SYNE2: variants seen among roughly 807,000 people sequenced by gnomAD.
SYNE2 encodes the protein nesprin-2.
A neutral mutation model predicts 856.3 loss-of-function variants in SYNE2; 431 were observed. The ratio of observed to expected loss-of-function variants is 0.50; its 90% CI spans 0.47 to 0.55. SYNE2 has a LOEUF of 0.55. Ranked by LOEUF, SYNE2 falls within the 20% of genes least tolerant of loss-of-function variation. The pLI, the probability that SYNE2 is intolerant of heterozygous loss-of-function variation, is 0.00. For missense variants in SYNE2, 8,129 were observed against 8,023.2 expected, an observed-to-expected ratio of 1.01 and a Z score of -0.50; for synonymous variants, 2,923 against 2,872.3, an observed-to-expected ratio of 1.02 and a Z score of -0.56.
intron 65 of SYNE2, 72 bp downstream of exon 65, chr14:64,107,679 T>G (rs1223779522): frequency 5.2e-6 from 6 of 1,150,004 alleles, no homozygotes; most frequent in Non-Finnish European, 7.9e-6. Context: ...CAGTGTTCTG[T>G]GTCCTGCAAT....
chr14:64,226,294 C>T lies in SYNE2; in HGVS notation c.*768C>T, dbSNP rs1228973694. On this transcript the variant is annotated 3_prime_UTR_variant, in exon 116 of 116. Transcript: ENST00000555002. ...AAGTTAATTTTCTAAGACTTTTTCA[C>T]ATCCAAAGTGATGCTTTGCTTTGGG... 1 of 141,044 alleles carries T rather than the reference C, an allele frequency of 7.1e-6. No individual in the cohort carries two copies. The highest frequency in any genetic ancestry group is 1.5e-5 in the Non-Finnish European group (1 of 66,536). The allele number at this position is 141,044 out of a possible 1,614,324, so 8.7% of individuals were successfully genotyped here.
chr14:64,146,165 A>T lies in SYNE2; in HGVS notation c.15581A>T (p.Lys5194Ile). ...CTGGAAGCACAAGAAGAGAGACTGA[A>T]AACTTTACAAAAACCTGAAAGTGTG... ...NWLEAQEERLKTLQKPESVIS... is the reference protein window; with the variant it reads ...NWLEAQEERLITLQKPESVIS... Residue 5194 changes from lysine to isoleucine, a missense_variant, in exon 84 of 116, where the codon AAA becomes ATA. By Grantham distance (102) the Lys-to-Ile change is moderately radical (BLOSUM62 -3). Transcript: ENST00000555002. 1 of 1,613,140 alleles carries T rather than the reference A, an allele frequency of 6.2e-7. No individual in the cohort carries two copies. Among genetic ancestry groups the T allele is most frequent in the East Asian group, 2.2e-5 (1 of 44,842 alleles).
At chr14:63,813,327 A>G (rs1888692279) in intron 1 of SYNE2, among the ~76,000 whole-genome samples, 2 of 152,218 alleles carry the variant, frequency 1.3e-5, no homozygotes, top group African/African-American at 4.8e-5. Flanking sequence ...AAACTATAGC[A>G]CGTGTGGATA....
At chr14:64,033,587 G>C (rs994382162) in intron 45 of SYNE2, among the ~76,000 whole-genome samples, 2 of 151,936 alleles carry the variant, frequency 1.3e-5, no homozygotes, top group South Asian at 2.1e-4. Context: ...TTGGGAGATT[G>C]AGGTGGGAGA....
chr14:64,150,196 T>G (rs1360202877), intron 84 of SYNE2, among the ~76,000 whole-genome samples: 1 of 141,116 alleles, frequency 7.1e-6, no homozygotes, highest in African/African-American at 2.7e-5. Context: ...CTTGGGAGAC[T>G]GAGGCAGGAA....
intron 1 of SYNE2, among the ~76,000 whole-genome samples, chr14:63,803,820 A>G (rs1258435487): frequency 6.6e-6 from 1 of 152,106 alleles, no homozygotes; most frequent in Non-Finnish European, 1.5e-5. Flanking sequence ...GCATGCTGTC[A>G]CCTCTCAGTT....
intron 14 of SYNE2, among the ~76,000 whole-genome samples, chr14:63,980,414 A>G (rs1028597974): frequency 5.3e-5 from 8 of 152,196 alleles, no homozygotes; most frequent in Admixed American, 5.2e-4. Context: ...CTATAGCACC[A>G]TGTCACCACA....
chr14:64,078,680 A>C lies in SYNE2; in HGVS notation c.11163+74A>C. 7 of 1,555,974 alleles carry C rather than the reference A, an allele frequency of 4.5e-6. No homozygotes were observed. The South Asian group carries it at 7.9e-5, about 17-fold the overall frequency. On this transcript the variant is annotated intron_variant, in intron 55 of 115. Coordinates refer to ENST00000555002, the MANE Select transcript of SYNE2 (RefSeq NM_182914.3). ...TCCTGCCTTGTTCATCAGTCACCAC[A>C]GGGTGAGTTCTTTGAATTAATCTGA...
chr14:63,823,656 A>G (rs1005497228), intron 1 of SYNE2, among the ~76,000 whole-genome samples: 2 of 148,242 alleles, frequency 1.3e-5, no homozygotes, highest in African/African-American at 5.0e-5. Flanking sequence ...ACAGGTTCTC[A>G]TTCTGTCTCA....
rs1210013127 is a variant in SYNE2 at position 64,020,003 on chromosome 14, A to G, written c.5061A>G (p.Gln1687=). 6.2e-7 allele frequency: 1 copy of G among 1,610,158 alleles called. No homozygotes were observed. The highest frequency in any genetic ancestry group is 8.5e-7 in the Non-Finnish European group (1 of 1,176,474). ...EDRERLKEEL[Q]VHEQKTSEFS... ...ATTACATGTTTTAGGAAGAATTACA[A>G]GTCCATGAACAAAAAACTTCAGAAT... The change falls in exon 35 of 116, where the codon CAA becomes CAG. Residue 1687 remains glutamine, a synonymous_variant. Coordinates refer to ENST00000555002, the MANE Select transcript of SYNE2 (RefSeq NM_182914.3).
chr14:63,952,487 C>T (rs1293456489), intron 7 of SYNE2, among the ~76,000 whole-genome samples: 1 of 152,212 alleles, frequency 6.6e-6, no homozygotes, highest in Non-Finnish European at 1.5e-5. Flanking sequence ...TTTGCACCCA[C>T]CTAATGGTTT....
chr14:64,225,169 G>C, intron 115 of SYNE2, 124 bp downstream of exon 115: 3 of 1,541,766 alleles, frequency 1.9e-6, no homozygotes, highest in Non-Finnish European at 2.7e-6. Flanking sequence ...GGAAAGGGCT[G>C]GTTTTCTCCT....
intron 65 of SYNE2, among the ~76,000 whole-genome samples, chr14:64,112,314 G>C (rs917361891): frequency 6.6e-6 from 1 of 152,174 alleles, no homozygotes; most frequent in Admixed American, 6.5e-5. Context: ...AACTCTTATA[G>C]AAAACATTGT....
chr14:63,919,413 C>T (rs57051751), intron 2 of SYNE2, among the ~76,000 whole-genome samples: 4,725 of 152,228 alleles, frequency 0.031, 260 homozygotes, highest in African/African-American at 0.11. Context: ...CGGGTCCAAT[C>T]TGAGGTAGCA....
At position 64,055,832 on chromosome 14, in the gene SYNE2, T is replaced by TAATAA. The variant is rs3031325; in HGVS notation, c.9745-109_9745-105dup. On this transcript the variant is annotated intron_variant, in intron 48 of 115. Transcript: ENST00000555002. ...TACCCTAAAACTTAAAGTATAATAA[T>TAATAA]AATAAAAAAAGACTCAGAGACATAT... 613,989 of 677,992 alleles carry TAATAA rather than the reference T, an allele frequency of 0.91. 279,608 individuals carry two copies. Among genetic ancestry groups the TAATAA allele is most frequent in the Non-Finnish European group, 0.93 (374,996 of 402,926 alleles). The allele number at this position is 677,992 out of a possible 1,614,324, so 42.0% of individuals were successfully genotyped here. A position where few individuals can be genotyped will look rare whatever the true frequency, so the allele number is the denominator to read the frequency against.
chr14:64,181,478 A>G (rs1295834708), intron 96 of SYNE2, among the ~76,000 whole-genome samples: 1 of 152,216 alleles, frequency 6.6e-6, no homozygotes, highest in Admixed American at 6.5e-5. Flanking sequence ...CACACTTCTC[A>G]GTTTCCAGTG....
At chr14:63,806,110 G>A (rs1200462925) in intron 1 of SYNE2, among the ~76,000 whole-genome samples, 1 of 152,178 alleles carries the variant, frequency 6.6e-6, no homozygotes, top group African/African-American at 2.4e-5. Context: ...GATGTTGGCT[G>A]TGGGTTTGTC....
At chr14:63,894,758 A>G (rs548178715) in intron 1 of SYNE2, among the ~76,000 whole-genome samples, 1 of 152,322 alleles carries the variant, frequency 6.6e-6, no homozygotes, top group Non-Finnish European at 1.5e-5. Flanking sequence ...ATAATTCATT[A>G]TGGCCCTCAC....
chr14:63,828,694 G>T (rs1889554984), intron 1 of SYNE2, among the ~76,000 whole-genome samples: 1 of 151,694 alleles, frequency 6.6e-6, no homozygotes, highest in Non-Finnish European at 1.5e-5. Flanking sequence ...TCATGACACT[G>T]CACTCCAGCC....
Sources: gnomAD v4.1 joint callset for allele counts (sites outside exome capture counted in the v4.1 genomes callset) on GRCh38, gnomAD v4.1.1 for gene constraint, MANE v1.5 for transcripts, NCBI Gene and HGNC (gene_info 2026-07-23, HGNC 2026-07-21) for gene names.